GTF3C1: variants seen among roughly 807,000 people sequenced by gnomAD.
The protein encoded by GTF3C1 is general transcription factor IIIC subunit 1.
In GTF3C1, 57 loss-of-function variants were observed where a neutral mutation model predicts 226.7. The ratio of observed to expected loss-of-function variants is 0.25; its 90% confidence interval spans 0.20 to 0.31. GTF3C1 has a LOEUF of 0.31. Among genes scored for constraint, GTF3C1 ranks in the 10% least tolerant of loss-of-function variants. GTF3C1 has a pLI of 1.00. For missense variants in GTF3C1, 2,217 were observed against 2,776.1 expected (o/e 0.80, Z 4.53); for synonymous variants, 1,090 against 1,084.8 (o/e 1.00, Z -0.09).
chr16:27,469,149 G>T lies in GTF3C1; in HGVS notation c.5074+142C>A. On this transcript the variant is annotated intron_variant, in intron 32 of 36. Coordinates refer to ENST00000356183, the MANE Select transcript of GTF3C1 (RefSeq NM_001520.4). The surrounding 1 kb of genome is among the most constrained non-coding windows in gnomAD (Gnocchi z 4.5). ...AGGCATCCCTTGAGTTGGCTGCAAGGATGGGGTGTGTTTTTCTGTGTGTTC... is the reference window on the plus strand; with the variant it reads ...AGGCATCCCTTGAGTTGGCTGCAAGTATGGGGTGTGTTTTTCTGTGTGTTC... 1.2e-6 allele frequency: 1 copy of T among 842,016 alleles called. No homozygotes were observed. Among genetic ancestry groups the T allele is most frequent in the Non-Finnish European group, 1.8e-6 (1 of 556,352 alleles). The allele number at this position is 842,016 out of a possible 1,614,324, so 52.2% of individuals were successfully genotyped here. A position where few individuals can be genotyped will look rare whatever the true frequency, so the allele number is the denominator to read the frequency against.
intron 33 of GTF3C1, among the ~76,000 whole-genome samples, chr16:27,465,043 C>T (rs554563678): frequency 6.6e-6 from 1 of 152,328 alleles, no homozygotes; most frequent in South Asian, 2.1e-4. Flanking sequence ...TCTGGCTGCT[C>T]GTGAACCACG....
intron 5 of GTF3C1, among the ~76,000 whole-genome samples, chr16:27,531,118 G>A (rs1237062679): frequency 6.6e-6 from 1 of 152,096 alleles, no homozygotes; most frequent in South Asian, 2.1e-4. Context: ...TAGCTGGACT[G>A]GTGCATACCA....
rs559593558 is a variant in GTF3C1, at chr16:27,461,118, C to G, written c.*232G>C. ...AACTCCCAGTGTGATGAGGCCAGTT[C>G]CCAAGGGGAAGGCCCAGAAGAGCCT... On this transcript the variant is annotated 3_prime_UTR_variant, in exon 37 of 37. Coordinates refer to ENST00000356183, the MANE Select transcript of GTF3C1 (RefSeq NM_001520.4). This position sits in a 1 kb window ranked among gnomAD's most constrained non-coding sequence, Gnocchi z 5.3. 15 of 485,828 alleles carry G rather than the reference C, an allele frequency of 3.1e-5. No homozygotes were observed. Among genetic ancestry groups the G allele is most frequent in the South Asian group, 2.6e-4 (7 of 26,620 alleles). The allele number at this position is 485,828 out of a possible 1,614,324, so 30.1% of individuals were successfully genotyped here. A position where few individuals can be genotyped will look rare whatever the true frequency, so the allele number is the denominator to read the frequency against.
In GTF3C1 at chr16:27,528,597, CCTTT is replaced by C; in HGVS notation, c.970_973del (p.Lys324GlyfsTer12). ...GAACAGAAGCTGAGACTCTGCATTACCTTTCTTTGTCTTACAAGGTCCACATTCA... is the reference window on the plus strand; with the variant it reads ...GAACAGAAGCTGAGACTCTGCATTACCTTTGTCTTACAAGGTCCACATTCA... On this transcript the variant is annotated frameshift_variant and splice_region_variant, in exon 6 of 37. Coordinates refer to ENST00000356183, the MANE Select transcript of GTF3C1 (RefSeq NM_001520.4). LOFTEE classifies it high-confidence loss of function. 6.2e-7 allele frequency: 1 copy of C among 1,611,842 alleles called. No individual in the cohort carries two copies. Among genetic ancestry groups the C allele is most frequent in the East Asian group, 2.2e-5 (1 of 44,868 alleles).
intron 27 of GTF3C1, among the ~76,000 whole-genome samples, chr16:27,480,543 G>T (rs1596621556): frequency 1.3e-5 from 2 of 152,318 alleles, no homozygotes; most frequent in East Asian, 3.9e-4. Context: ...TCATTTTACA[G>T]GGAGAAATTC....
chr16:27,509,405 A>G (rs1209414062), intron 7 of GTF3C1, among the ~76,000 whole-genome samples: 1 of 152,214 alleles, frequency 6.6e-6, no homozygotes, highest in Non-Finnish European at 1.5e-5. Context: ...GAGTCCCAGC[A>G]GTAAAGCACA....
At chr16:27,528,550 A>C in intron 6 of GTF3C1, 48 bp downstream of exon 6, 1 of 1,498,930 alleles carries the variant, frequency 6.7e-7, no homozygotes, top group South Asian at 1.1e-5. Context: ...AGAAGACAGA[A>C]GTGAGAGCCA....
intron 9 of GTF3C1, among the ~76,000 whole-genome samples, chr16:27,506,498 ACT>A (rs893152276): frequency 2.0e-5 from 3 of 151,942 alleles, no homozygotes; most frequent in African/African-American, 7.3e-5. Flanking sequence ...CATCAGCACC[ACT>A]CTCTATGCAT....
intron 8 of GTF3C1, among the ~76,000 whole-genome samples, chr16:27,508,283 T>C (rs577694760): frequency 9.2e-5 from 14 of 152,344 alleles, no homozygotes; most frequent in Middle Eastern, 3.4e-3. Context: ...AGTGTTGGGA[T>C]TACAGGTGTG....
Position 27,471,667 on chromosome 16 carries a change from C to T in GTF3C1, c.4526+81G>A. On this transcript the variant is annotated intron_variant, in intron 30 of 36. Coordinates refer to ENST00000356183, the MANE Select transcript of GTF3C1 (RefSeq NM_001520.4). The surrounding 1 kb of genome is among the most constrained non-coding windows in gnomAD (Gnocchi z 5.0). Reference sequence around the variant, plus strand: ...CCCTGGCTCCTACACGCTTTCATGGCCACAGTGCTTCCTTTGCTCCTCTTT... The same window carrying T: ...CCCTGGCTCCTACACGCTTTCATGGTCACAGTGCTTCCTTTGCTCCTCTTT... The T allele has an allele frequency of 3.5e-6, 4 of 1,156,292 alleles. No homozygotes were observed. The highest frequency in any genetic ancestry group is 5.1e-6 in the Non-Finnish European group (4 of 785,340). 71.6% of individuals were successfully genotyped at this position (1,156,292 alleles called of 1,614,324 possible). A position where few individuals can be genotyped will look rare whatever the true frequency, so the allele number is the denominator to read the frequency against.
chr16:27,537,748 T>TA lies in GTF3C1; in HGVS notation c.752+35dup, dbSNP rs754017120. The TA allele has an allele frequency of 3.8e-5, 58 of 1,533,766 alleles. 1 individual carries two copies. In the South Asian group the frequency reaches 4.6e-4, roughly 12 times the overall value. ...AAAGCATACTACACATGGCTGCAAC[T>TA]AAAAAACCTAATGTTTTGGTCACTA... is the stretch of plus-strand genomic sequence containing the variant. On this transcript the variant is annotated intron_variant, in intron 4 of 36. Coordinates refer to ENST00000356183, the MANE Select transcript of GTF3C1 (RefSeq NM_001520.4).
At chr16:27,499,622 C>A (rs973356401) in intron 12 of GTF3C1, among the ~76,000 whole-genome samples, 1 of 152,214 alleles carries the variant, frequency 6.6e-6, no homozygotes, top group Non-Finnish European at 1.5e-5. Flanking sequence ...TTCTCCGAAT[C>A]CTCATTTGTG....
chr16:27,522,607 T>G (rs1194733449), intron 6 of GTF3C1, among the ~76,000 whole-genome samples: 2 of 152,226 alleles, frequency 1.3e-5, no homozygotes, highest in East Asian at 3.8e-4. Context: ...TCCCTGTGAA[T>G]TTTAGCATCA....
chr16:27,541,774 C>T (rs78367548), intron 2 of GTF3C1, among the ~76,000 whole-genome samples: 13,434 of 152,078 alleles, frequency 0.088, 812 homozygotes, highest in Non-Finnish European at 0.13. Context: ...AAACTGAGGT[C>T]GGAGCACTGG....
chr16:27,470,534 C>T lies in GTF3C1; in HGVS notation c.4527-139G>A. 1.5e-6 allele frequency: 1 copy of T among 684,226 alleles called. No homozygotes were observed. Among genetic ancestry groups the T allele is most frequent in the South Asian group, 1.8e-5 (1 of 55,474 alleles). 42.4% of individuals were successfully genotyped at this position (684,226 alleles called of 1,614,324 possible). A position where few individuals can be genotyped will look rare whatever the true frequency, so the allele number is the denominator to read the frequency against. ...ACTTCTTCCCTAAAGCTCTCTGTCC[C>T]ATCCCAGATGAAGGTGCTGCATTCC... On this transcript the variant is annotated intron_variant, in intron 30 of 36. Coordinates refer to ENST00000356183, the MANE Select transcript of GTF3C1 (RefSeq NM_001520.4). The surrounding 1 kb of genome is among the most constrained non-coding windows in gnomAD (Gnocchi z 4.9).
At chr16:27,498,568 T>C (rs2088356089) in intron 13 of GTF3C1, 62 bp downstream of exon 13, 1 of 838,244 alleles carries the variant, frequency 1.2e-6, no homozygotes, top group Admixed American at 1.7e-5. Flanking sequence ...TCTGGATTGC[T>C]GTAGGCTGAC....
chr16:27,501,977 C>A (rs2088411550), intron 11 of GTF3C1, among the ~76,000 whole-genome samples: 1 of 152,062 alleles, frequency 6.6e-6, no homozygotes, highest in Admixed American at 6.5e-5. Context: ...TGCCTGTAAT[C>A]CCAGCTACTC....
Position 27,545,299 on chromosome 16 carries a change from G to A in GTF3C1, c.431+15C>T, listed in dbSNP as rs1461000060. ...GCCAGATTCCCAGGAATTTCTGATG[G>A]TGCAAAATAGTTACCTGTCAAAGGC... On this transcript the variant is annotated intron_variant, in intron 2 of 36. Coordinates refer to ENST00000356183, the MANE Select transcript of GTF3C1 (RefSeq NM_001520.4). 2 of 1,586,390 alleles carry A rather than the reference G, an allele frequency of 1.3e-6. No individual in the cohort carries two copies. The highest frequency in any genetic ancestry group is 1.7e-4 in the Middle Eastern group (1 of 6,002).
chr16:27,464,628 T>C lies in GTF3C1; in HGVS notation c.5564A>G (p.His1855Arg), dbSNP rs772781415. 3 of 1,507,612 alleles carry C rather than the reference T, an allele frequency of 2.0e-6. No homozygotes were observed. The highest frequency in any genetic ancestry group is 2.7e-6 in the Non-Finnish European group (3 of 1,128,840). 93.4% of individuals were successfully genotyped at this position (1,507,612 alleles called of 1,614,324 possible). A position where few individuals can be genotyped will look rare whatever the true frequency, so the allele number is the denominator to read the frequency against. ...GCGCCTCTTGGTGCCCCGGGGGCTGTGAGAAGGAGGTGCCTGCCCCTCGGG... is the reference window on the plus strand; with the variant it reads ...GCGCCTCTTGGTGCCCCGGGGGCTGCGAGAAGGAGGTGCCTGCCCCTCGGG... ...SPPEGQAPPS[H>R]SPRGTKRRAS... The change falls in exon 34 of 37, where the codon CAC (histidine) becomes CGC (arginine). Residue 1855 changes from histidine (H) to arginine (R), a missense_variant. By Grantham distance (29) the His-to-Arg change is conservative. Transcript: ENST00000356183.
Sources: allele counts gnomAD v4.1 joint callset (sites outside exome capture counted in the v4.1 genomes callset), GRCh38; gene constraint gnomAD v4.1.1; non-coding constraint Gnocchi (gnomAD v3.1); transcripts MANE v1.5; gene names NCBI Gene and HGNC (gene_info 2026-07-23, HGNC 2026-07-21).